The following PDZRN3 variants were observed in gnomAD, a reference collection of about 807,000 sequenced individuals.
PDZRN3 encodes the protein PDZ domain containing ring finger 3.
PDZRN3 carries 38 observed loss-of-function variants against 85.7 expected under a neutral mutation model. That is an observed-to-expected ratio of 0.44 (90% CI 0.34 to 0.58). The LOEUF is 0.58. Ranked by LOEUF, PDZRN3 falls within the 20% of genes least tolerant of loss-of-function variation. The pLI, the probability that PDZRN3 is intolerant of heterozygous loss-of-function variation, is 0.01. For synonymous variants in PDZRN3, 759 were observed against 638.0 expected, an observed-to-expected ratio of 1.19 and a Z score of -2.86; for missense variants, 1,629 against 1,506.4, an observed-to-expected ratio of 1.08 and a Z score of -1.35.
intron 3 of PDZRN3, among the ~76,000 whole-genome samples, chr3:73,471,033 A>G (rs1164247884): frequency 1.3e-5 from 2 of 152,232 alleles, no homozygotes; most frequent in African/African-American, 4.8e-5. Flanking sequence ...TAGAGTCCTA[A>G]CGGCCAGTCC....
At chr3:73,528,606 T>G (rs1704578760) in intron 3 of PDZRN3, among the ~76,000 whole-genome samples, 1 of 152,178 alleles carries the variant, frequency 6.6e-6, no homozygotes, top group Admixed American at 6.5e-5. Flanking sequence ...TAAATGCTAT[T>G]CTTCACTCTA....
rs1184407369 is a variant in PDZRN3, at chr3:73,453,404, CA to C, written c.919-49010del. 6.2e-4 allele frequency among the ~76,000 whole-genome samples: 60 copies of C among 97,516 alleles called. 2 individuals carry two copies. The highest frequency in any genetic ancestry group is 1.4e-3 in the Admixed American group (12 of 8,370). 64.0% of individuals were successfully genotyped at this position (97,516 alleles called of 152,430 possible). A position where few individuals can be genotyped will look rare whatever the true frequency, so the allele number is the denominator to read the frequency against. On this transcript the variant is annotated intron_variant, in intron 3 of 9. Coordinates refer to ENST00000263666, the MANE Select transcript of PDZRN3 (RefSeq NM_015009.3). ...CTAGAGACAGAGTGAGACTTCGTCT[CA>C]AAAAAAAAAAAAAAAAAACAAAAAA...
At chr3:73,399,463 G>C (rs927505514) in intron 5 of PDZRN3, among the ~76,000 whole-genome samples, 1 of 152,164 alleles carries the variant, frequency 6.6e-6, no homozygotes, top group Non-Finnish European at 1.5e-5. Context: ...AGTCCTCCAA[G>C]AAATCTGTTT....
At chr3:73,621,792 G>C (rs144605768) in intron 1 of PDZRN3, 4 of 152,116 alleles carry the variant, frequency 2.6e-5, no homozygotes, top group Non-Finnish European at 4.4e-5. Context: ...ACCTTTCTCC[G>C]TAAGTTCAAA....
intron 3 of PDZRN3, among the ~76,000 whole-genome samples, chr3:73,535,611 T>C (rs1195667344): frequency 6.6e-6 from 1 of 152,164 alleles, no homozygotes; most frequent in Admixed American, 6.5e-5. Context: ...GGAGAGAATA[T>C]CTTGTGAAAG....
intron 3 of PDZRN3, among the ~76,000 whole-genome samples, chr3:73,462,547 A>C (rs1346096738): frequency 2.7e-5 from 4 of 150,184 alleles, no homozygotes; most frequent in Non-Finnish European, 4.4e-5. Flanking sequence ...CGTCTCAAAA[A>C]AAAAAAAAAA....
At chr3:73,426,507 TCAAA>T (rs756172055) in intron 3 of PDZRN3, among the ~76,000 whole-genome samples, 10 of 152,346 alleles carry the variant, frequency 6.6e-5, no homozygotes, top group Middle Eastern at 3.4e-3. Context: ...AAAAAAGTTC[TCAAA>T]CAAAACAATT....
At chr3:73,504,774 A>G (rs371664671) in intron 3 of PDZRN3, among the ~76,000 whole-genome samples, 2 of 152,372 alleles carry the variant, frequency 1.3e-5, no homozygotes, top group South Asian at 4.1e-4. Flanking sequence ...TTATACCCAC[A>G]TAAGTCACTA....
In PDZRN3 at chr3:73,384,480, C is replaced by T. The variant is rs1368215350; in HGVS notation, c.2086G>A (p.Glu696Lys). 3 of 1,613,374 alleles carry T rather than the reference C, an allele frequency of 1.9e-6. No individual in the cohort carries two copies. The highest frequency in any genetic ancestry group is 2.2e-5 in the East Asian group (1 of 44,872). ...ELLNEELRSI[E>K]LECLSIVRAH... ...CGCACGATGCTCAGGCACTCCAGCT[C>T]GATGCTGCGCAGCTCTTCGTTCAGC... Residue 696 changes from glutamate to lysine, a missense_variant, in exon 10 of 10, where the codon GAG becomes AAG. Transcript: ENST00000263666.
chr3:73,594,771 T>C (rs1702409830), intron 3 of PDZRN3, among the ~76,000 whole-genome samples: 1 of 152,158 alleles, frequency 6.6e-6, no homozygotes, highest in Non-Finnish European at 1.5e-5. Flanking sequence ...GTGATAAAAG[T>C]GGCTAAATCG....
chr3:73,416,879 T>TGG (rs1702097509), intron 3 of PDZRN3, among the ~76,000 whole-genome samples: 2 of 13,602 alleles, frequency 1.5e-4, no homozygotes, highest in African/African-American at 4.6e-4. Context: ...TTTTTTGGTT[T>TGG]TTTTTTTTTT....
At chr3:73,559,558 T>C (rs1701773740) in intron 3 of PDZRN3, among the ~76,000 whole-genome samples, 1 of 152,184 alleles carries the variant, frequency 6.6e-6, no homozygotes, top group Non-Finnish European at 1.5e-5. Flanking sequence ...TGCACATGGG[T>C]TTCAGGCCTT....
At chr3:73,554,834 T>C (rs1328138914) in intron 3 of PDZRN3, among the ~76,000 whole-genome samples, 3 of 152,252 alleles carry the variant, frequency 2.0e-5, no homozygotes, top group African/African-American at 7.2e-5. Context: ...TTAAAACGTG[T>C]TGCTTTTACA....
At chr3:73,550,212 A>T (rs1050643160) in intron 3 of PDZRN3, among the ~76,000 whole-genome samples, 1 of 152,190 alleles carries the variant, frequency 6.6e-6, no homozygotes, top group African/African-American at 2.4e-5. Flanking sequence ...TCATCCGGGA[A>T]CTGGTTAGAA....
intron 3 of PDZRN3, among the ~76,000 whole-genome samples, chr3:73,500,420 A>G (rs1456986197): frequency 6.6e-6 from 1 of 151,808 alleles, no homozygotes; most frequent in African/African-American, 2.4e-5. Flanking sequence ...ATGCTTTCTG[A>G]TACTCCCCTC....
chr3:73,533,403 CA>C (rs978585671), intron 3 of PDZRN3, among the ~76,000 whole-genome samples: 2 of 152,128 alleles, frequency 1.3e-5, no homozygotes, highest in African/African-American at 4.8e-5. Context: ...TTTTCAAAAA[CA>C]AATTTCAATT....
intron 3 of PDZRN3, among the ~76,000 whole-genome samples, chr3:73,496,109 T>C (rs999493626): frequency 6.6e-6 from 1 of 152,082 alleles, no homozygotes; most frequent in Non-Finnish European, 1.5e-5. Context: ...CTGCTCCATA[T>C]TGATGGACTT....
chr3:73,384,615 C>G lies in PDZRN3; in HGVS notation c.1951G>C (p.Glu651Gln), dbSNP rs537170832. 2 of 1,613,864 alleles carry G rather than the reference C, an allele frequency of 1.2e-6. No individual in the cohort carries two copies. The highest frequency in any genetic ancestry group is 2.7e-5 in the African/African-American group (2 of 75,068). The change falls in exon 10 of 10, where the codon GAG becomes CAG. Residue 651 changes from glutamate (E) to glutamine (Q), a missense_variant. Transcript: ENST00000263666. ...DECERFRELL[E>Q]LKCQVKSATP... ...GCGCTCTTCACCTGGCACTTGAGCT[C>G]CAGGAGCTCGCGGAAGCGCTCGCAC...
rs538194733 is a variant in PDZRN3 at position 73,488,006 on chromosome 3, G to A, written c.919-83611C>T. On this transcript the variant is annotated intron_variant, in intron 3 of 9. Coordinates refer to ENST00000263666, the MANE Select transcript of PDZRN3 (RefSeq NM_015009.3). ...GCTGATATTCCCCAATTTTAGATAA[G>A]CTCTTTTCAATAAGGTTGCAACGGT... Among the ~76,000 whole-genome samples, 3 of 152,246 alleles carry A rather than the reference G, an allele frequency of 2.0e-5. No homozygotes were observed. In the South Asian group the frequency reaches 6.2e-4, roughly 32 times the overall value.
Sources: gnomAD v4.1 joint callset for allele counts (sites outside exome capture counted in the v4.1 genomes callset) on GRCh38, gnomAD v4.1.1 for gene constraint, MANE v1.5 for transcripts, NCBI Gene and HGNC (gene_info 2026-07-23, HGNC 2026-07-21) for gene names.